DAP3: variants seen among roughly 807,000 people sequenced by gnomAD.
DAP3 encodes small ribosomal subunit protein mS29.
Under a neutral mutation model 51.9 loss-of-function variants are expected in DAP3, and 28 were observed. That is an observed-to-expected ratio of 0.54 (90% CI 0.40 to 0.74). DAP3 has a LOEUF of 0.74. DAP3 is among the 30% of genes least tolerant of loss of function. The pLI, the probability that DAP3 is intolerant of heterozygous loss-of-function variation, is 0.00. For missense variants in DAP3, 458 were observed against 483.5 expected (o/e 0.95, Z 0.49); for synonymous variants, 170 against 170.3 (o/e 1.00, Z 0.01).
Position 155,732,583 on chromosome 1 carries a change from C to A in DAP3, c.993+550C>A, listed in dbSNP as rs542785035. Among the ~76,000 whole-genome samples the A allele has an allele frequency of 2.6e-5, 4 of 152,234 alleles. No individual in the cohort carries two copies. The South Asian group carries it at 6.2e-4, about 24-fold the overall frequency. On this transcript the variant is annotated intron_variant, in intron 11 of 12. Coordinates refer to ENST00000368336, the MANE Select transcript of DAP3 (RefSeq NM_004632.4). ...TCTCATTCCTAAGAACAAAGATACT[C>A]TAATATACCCTGAGCATAATTATCA...
intron 3 of DAP3, 80 bp from the exon 4 acceptor site, chr1:155,721,437 T>TAC (rs1658005787): frequency 1.9e-6 from 2 of 1,069,880 alleles, no homozygotes; most frequent in Admixed American, 1.9e-5. Context: ...CATACATATA[T>TAC]ACACACACAT....
chr1:155,714,081 A>G (rs779639776), intron 2 of DAP3, among the ~76,000 whole-genome samples: 76 of 152,212 alleles, frequency 5.0e-4, no homozygotes, highest in African/African-American at 1.8e-3. Context: ...TAGAATGAGC[A>G]GAAGTATAGA....
chr1:155,717,647 TG>T (rs1657488762), intron 3 of DAP3, among the ~76,000 whole-genome samples: 1 of 152,184 alleles, frequency 6.6e-6, no homozygotes, highest in African/African-American at 2.4e-5. Context: ...AACTCTGGTA[TG>T]GAGAGTACTA....
chr1:155,723,360 C>T (rs1658212648), intron 4 of DAP3, among the ~76,000 whole-genome samples: 1 of 151,828 alleles, frequency 6.6e-6, no homozygotes, highest in Admixed American at 6.6e-5. Flanking sequence ...TGGAGTTTCA[C>T]TTTTGTCGCC....
chr1:155,721,194 G>C (rs1040008992), intron 3 of DAP3, among the ~76,000 whole-genome samples: 6 of 151,234 alleles, frequency 4.0e-5, no homozygotes, highest in Admixed American at 2.0e-4. Context: ...AAATTAGCCG[G>C]GTGCGGTGGC....
rs111462150 is a variant in DAP3 at position 155,732,523 on chromosome 1, G to T, written c.993+490G>T. ...TAGGATTATAGGCGTGAGCCACGGC[G>T]CCTGGCCTTGATGCTTCTTTGTCTC... On this transcript the variant is annotated intron_variant, in intron 11 of 12. Coordinates refer to ENST00000368336, the MANE Select transcript of DAP3 (RefSeq NM_004632.4). 7.2e-3 allele frequency among the ~76,000 whole-genome samples: 1,099 copies of T among 152,120 alleles called. 14 individuals are homozygous for T. The highest frequency in any genetic ancestry group is 0.023 in the African/African-American group (974 of 41,524).
At chr1:155,727,899 A>C (rs1658786333) in intron 7 of DAP3, among the ~76,000 whole-genome samples, 161 bp downstream of exon 7, 1 of 151,452 alleles carries the variant, frequency 6.6e-6, no homozygotes, top group Non-Finnish European at 1.5e-5. Context: ...ATAACTTGAA[A>C]CTCATTTATC....
intron 1 of DAP3, among the ~76,000 whole-genome samples, chr1:155,693,461 C>T (rs879750977): frequency 6.4e-5 from 9 of 141,550 alleles, no homozygotes; most frequent in Admixed American, 2.0e-4. Context: ...GGATGTGGGC[C>T]GGCTATACCA....
upstream of DAP3, chr1:155,688,319 T>TGGCGGCGGC: frequency 4.5e-6 from 7 of 1,557,606 alleles, no homozygotes; most frequent in Non-Finnish European, 6.1e-6. Context: ...GAACCCAAAA[T>TGGCGGCGGC]GGCGGCGGCA....
At chr1:155,702,570 A>T (rs190510402) in intron 1 of DAP3, among the ~76,000 whole-genome samples, 1 of 152,332 alleles carries the variant, frequency 6.6e-6, no homozygotes, top group Non-Finnish European at 1.5e-5. Context: ...GATATGAGGT[A>T]GGGGTCCATT....
chr1:155,734,533 C>A (rs1310267771), intron 11 of DAP3, among the ~76,000 whole-genome samples: 1 of 152,090 alleles, frequency 6.6e-6, no homozygotes, highest in African/African-American at 2.4e-5. Context: ...TTCCAGACCC[C>A]TCTTATACTT....
intron 3 of DAP3, among the ~76,000 whole-genome samples, chr1:155,718,539 T>C (rs1479629799): frequency 6.6e-6 from 1 of 151,614 alleles, no homozygotes; most frequent in Non-Finnish European, 1.5e-5. Context: ...AAAAAAAAAT[T>C]AGTTGAGCAT....
At position 155,738,240 on chromosome 1, in the gene DAP3, T is replaced by G; in HGVS notation, c.1195T>G (p.Ter399GluextTer59). 6.2e-7 allele frequency: 1 copy of G among 1,614,184 alleles called. No homozygotes were observed. Among genetic ancestry groups the G allele is most frequent in the Non-Finnish European group, 8.5e-7 (1 of 1,180,016 alleles). Residue 399 changes from the stop codon to glutamate (E), a stop_lost, in exon 13 of 13, where the codon TAA (stop) becomes GAA (glutamate). Coordinates refer to ENST00000368336, the MANE Select transcript of DAP3 (RefSeq NM_004632.4). ...GCTGGAGCGGCACTGTGCCTACCTC[T>G]AAGCCAAGATCACAGCATGTGAGGA... is the stretch of plus-strand genomic sequence containing the variant. Reference protein sequence around the residue: ...SLLERHCAYL* With the variant: ...SLLERHCAYLE
In DAP3 at chr1:155,704,000, G is replaced by A. The variant is rs1203446615; in HGVS notation, c.-7-5773G>A. 3.9e-5 allele frequency among the ~76,000 whole-genome samples: 6 copies of A among 152,282 alleles called. No homozygotes were observed. The East Asian group carries it at 1.2e-3, about 29-fold the overall frequency. On this transcript the variant is annotated intron_variant, in intron 1 of 12. Coordinates refer to ENST00000368336, the MANE Select transcript of DAP3 (RefSeq NM_004632.4). The stretch of plus-strand genomic sequence containing the variant: ...CCATCTCTGTAAAAATAAAAAATTA[G>A]CCACCAGGTGGTTGCACATGCCTGT...
At chr1:155,726,054 G>C (rs760998271) in intron 6 of DAP3, 35 bp downstream of exon 6, 1 of 1,544,260 alleles carries the variant, frequency 6.5e-7, no homozygotes, top group Non-Finnish European at 8.9e-7. Context: ...TGTCTGTTAG[G>C]TTTAGTTATC....
chr1:155,693,917 C>G (rs1390449915), intron 1 of DAP3, among the ~76,000 whole-genome samples: 7 of 140,394 alleles, frequency 5.0e-5, no homozygotes, highest in Non-Finnish European at 1.0e-4. Flanking sequence ...GCTGAGATTG[C>G]GCCATTGCAC....
At chr1:155,737,444 C>T (rs986744247) in intron 12 of DAP3, among the ~76,000 whole-genome samples, 3 of 152,192 alleles carry the variant, frequency 2.0e-5, no homozygotes, top group Non-Finnish European at 4.4e-5. Flanking sequence ...GCTACTCCAG[C>T]ACCTAAGTAA....
At chr1:155,690,336 G>A (rs1571401242) in intron 1 of DAP3, among the ~76,000 whole-genome samples, 1 of 141,136 alleles carries the variant, frequency 7.1e-6, no homozygotes, top group Non-Finnish European at 1.5e-5. Context: ...CGCATTGCTT[G>A]AGCCTAGGAG....
At chr1:155,732,151 T>A (rs1457503079) in intron 11 of DAP3, 118 bp downstream of exon 11, 1 of 785,654 alleles carries the variant, frequency 1.3e-6, no homozygotes, top group Non-Finnish European at 2.0e-6. Flanking sequence ...CATATTCCTG[T>A]ATGCCCTTCC....
Sources: gnomAD v4.1 joint callset for allele counts (sites outside exome capture counted in the v4.1 genomes callset) on GRCh38, gnomAD v4.1.1 for gene constraint, MANE v1.5 for transcripts, NCBI Gene and HGNC (gene_info 2026-07-23, HGNC 2026-07-21) for gene names.